CRB1: variants seen among roughly 807,000 people sequenced by gnomAD.
CRB1 encodes protein crumbs homolog 1.
Under a neutral mutation model 120.0 loss-of-function variants are expected in CRB1, and 83 were observed. The observed-to-expected ratio is 0.69, with a 90% CI of 0.58 to 0.83. The LOEUF is 0.83. Ranked by LOEUF, CRB1 falls within the 40% of genes least tolerant of loss-of-function variation. The pLI, the probability that CRB1 is intolerant of heterozygous loss-of-function variation, is 0.00. For missense variants in CRB1, 1,699 were observed against 1,687.6 expected, an observed-to-expected ratio of 1.01 and a Z score of -0.12; for synonymous variants, 625 against 612.5, an observed-to-expected ratio of 1.02 and a Z score of -0.30.
chr1:197,443,011 C>T (rs1665529060), intron 11 of CRB1: 2 of 152,974 alleles, frequency 1.3e-5, no homozygotes, highest in Admixed American at 6.5e-5. Context: ...GTAATCCCAG[C>T]TACTCAGGAG....
rs535358212 is a variant in CRB1 at position 197,425,013 on chromosome 1, GA to G, written c.2129-2432del. ...GATTGCTGAAGAATCAGGCTTCTGAGAAAAAAAAATACTCTGCATTTTGGCT... is the reference window on the plus strand; with the variant it reads ...GATTGCTGAAGAATCAGGCTTCTGAGAAAAAAAATACTCTGCATTTTGGCT... On this transcript the variant is annotated intron_variant, in intron 6 of 11. Transcript: ENST00000367400. Among the ~76,000 whole-genome samples the G allele has an allele frequency of 5.4e-3, 823 of 151,012 alleles. 9 individuals are homozygous for G. The highest frequency in any genetic ancestry group is 0.019 in the African/African-American group (767 of 41,212).
At chr1:197,267,781 T>C (rs1408422220), upstream of CRB1, among the ~76,000 whole-genome samples, 1 of 152,140 alleles carries the variant, frequency 6.6e-6, no homozygotes, top group Non-Finnish European at 1.5e-5. Flanking sequence ...GAACCGAGAA[T>C]AAAATGAGCT....
At chr1:197,351,573 G>A (rs1308428546) in intron 4 of CRB1, among the ~76,000 whole-genome samples, 2 of 152,082 alleles carry the variant, frequency 1.3e-5, no homozygotes, top group Non-Finnish European at 2.9e-5. Flanking sequence ...AACAAAATTT[G>A]CTTTGTTAAT....
chr1:197,442,652 T>A, intron 11 of CRB1: 1 of 785,910 alleles, frequency 1.3e-6, no homozygotes, highest in Non-Finnish European at 1.9e-6. Context: ...AATATCTCCT[T>A]ATTGTGTGTA....
intron 11 of CRB1, among the ~76,000 whole-genome samples, chr1:197,446,339 C>A (rs981249655): frequency 2.6e-5 from 4 of 152,086 alleles, no homozygotes; most frequent in Admixed American, 2.6e-4. Context: ...GAAGCCTAAG[C>A]TAAGACTTGA....
intron 5 of CRB1, among the ~76,000 whole-genome samples, chr1:197,394,178 G>C (rs2759661): frequency 0.84 from 127,681 of 152,020 alleles, 53,999 homozygotes; most frequent in African/African-American, 0.94. Context: ...CACTTCCTCT[G>C]TAGCCTACTT....
chr1:197,435,723 CA>C, intron 9 of CRB1, 111 bp downstream of exon 9: 1 of 926,894 alleles, frequency 1.1e-6, no homozygotes, highest in East Asian at 2.6e-5. Flanking sequence ...CTGTGCTGAA[CA>C]GGGTGACACT....
chr1:197,305,680 C>T (rs1271261935), intron 1 of CRB1, among the ~76,000 whole-genome samples: 3 of 152,000 alleles, frequency 2.0e-5, no homozygotes, highest in Non-Finnish European at 2.9e-5. Context: ...GCCGTCACCT[C>T]CTTAACGTCT....
chr1:197,247,123 C>G, the CRB1 span, among the ~76,000 whole-genome samples: 1 of 151,978 alleles, frequency 6.6e-6, no homozygotes, highest in Non-Finnish European at 1.5e-5. Context: ...AATAAATTTT[C>G]CTTAAACATT....
At chr1:197,203,193 G>A in the CRB1 span, among the ~76,000 whole-genome samples, 1 of 152,118 alleles carries the variant, frequency 6.6e-6, no homozygotes, top group Non-Finnish European at 1.5e-5. Flanking sequence ...GCAAGGATTA[G>A]AAAATGGCTT....
At chr1:197,440,076 G>A (rs536590769) in intron 10 of CRB1, 1 of 152,250 alleles carries the variant, frequency 6.6e-6, no homozygotes, top group South Asian at 2.1e-4. Flanking sequence ...TATTAACTGA[G>A]ATCGTTTAGT....
intron 1 of CRB1, among the ~76,000 whole-genome samples, chr1:197,271,033 C>A (rs1278480712): frequency 1.3e-5 from 2 of 151,950 alleles, no homozygotes; most frequent in Non-Finnish European, 2.9e-5. Context: ...CATTTCTACA[C>A]ACAAAAATAT....
At chr1:197,280,994 C>G (rs918621372) in intron 1 of CRB1, among the ~76,000 whole-genome samples, 1 of 151,810 alleles carries the variant, frequency 6.6e-6, no homozygotes, top group Non-Finnish European at 1.5e-5. Context: ...TGCTACAACT[C>G]CTGATGCTAT....
At chr1:197,279,835 C>CTT (rs58204645) in intron 1 of CRB1, among the ~76,000 whole-genome samples, 46 of 142,636 alleles carry the variant, frequency 3.2e-4, no homozygotes, top group African/African-American at 1.1e-3. Flanking sequence ...TCTCTAAAGC[C>CTT]TTTTTTTTTT....
intron 1 of CRB1, among the ~76,000 whole-genome samples, chr1:197,285,571 G>A (rs1655780552): frequency 6.6e-6 from 1 of 151,832 alleles, no homozygotes; most frequent in Admixed American, 6.6e-5. Flanking sequence ...TTACAACTGG[G>A]CTATGAACAG....
chr1:197,252,340 A>C, the CRB1 span, among the ~76,000 whole-genome samples: 1 of 150,718 alleles, frequency 6.6e-6, no homozygotes, highest in African/African-American at 2.4e-5. Flanking sequence ...ATAGGTGGCT[A>C]TTTAGAGTTC....
intron 5 of CRB1, among the ~76,000 whole-genome samples, chr1:197,381,160 C>T (rs767783737): frequency 3.3e-5 from 5 of 152,134 alleles, no homozygotes; most frequent in Non-Finnish European, 5.9e-5. Context: ...GGGCCTTCAG[C>T]CAGCTTCTAT....
At chr1:197,459,499 TTC>T (rs1285015170) in intron 11 of CRB1, among the ~76,000 whole-genome samples, 1 of 152,140 alleles carries the variant, frequency 6.6e-6, no homozygotes, top group East Asian at 1.9e-4. Context: ...AAATGGTCTC[TTC>T]TCTCTGTGTC....
chr1:197,465,208 T>G (rs993007117), intron 11 of CRB1, among the ~76,000 whole-genome samples: 2 of 152,178 alleles, frequency 1.3e-5, no homozygotes, highest in African/African-American at 2.4e-5. Flanking sequence ...TGGAGAAATT[T>G]TAGTTCAGCA....
Sources: gnomAD v4.1 joint callset for allele counts (sites outside exome capture counted in the v4.1 genomes callset) on GRCh38, gnomAD v4.1.1 for gene constraint, MANE v1.5 for transcripts, NCBI Gene and HGNC (gene_info 2026-07-23, HGNC 2026-07-21) for gene names.